BCL2L13: variants seen among roughly 807,000 people sequenced by gnomAD.
BCL2L13 encodes the protein bcl-2-like protein 13.
Under a neutral mutation model 25.8 loss-of-function variants are expected in BCL2L13, and 13 were observed. That is an observed-to-expected ratio of 0.50 (90% CI 0.33 to 0.80). The LOEUF (loss-of-function observed/expected upper bound fraction) is 0.80, where lower values mean the gene tolerates loss of function less well. Ranked by LOEUF, BCL2L13 falls within the 30% of genes least tolerant of loss-of-function variation. The pLI, the probability that BCL2L13 is intolerant of heterozygous loss-of-function variation, is 0.02. For synonymous variants in BCL2L13, 244 were observed against 230.3 expected, an observed-to-expected ratio of 1.06 and a Z score of -0.54; for missense variants, 504 against 574.9, an observed-to-expected ratio of 0.88 and a Z score of 1.26.
At chr22:17,669,370 C>G (rs2059346436) in intron 2 of BCL2L13, among the ~76,000 whole-genome samples, 1 of 152,186 alleles carries the variant, frequency 6.6e-6, no homozygotes, top group Non-Finnish European at 1.5e-5. Context: ...AAGCATGGCA[C>G]TGGCGTCTGC....
intron 6 of BCL2L13, among the ~76,000 whole-genome samples, chr22:17,722,274 G>A (rs2061160409): frequency 6.6e-6 from 1 of 151,760 alleles, no homozygotes; most frequent in Non-Finnish European, 1.5e-5. Context: ...TGTCATCCAG[G>A]CTGGACTACA....
At chr22:17,661,145 T>C (rs2059053408) in intron 2 of BCL2L13, among the ~76,000 whole-genome samples, 1 of 145,496 alleles carries the variant, frequency 6.9e-6, no homozygotes, top group African/African-American at 2.4e-5. Flanking sequence ...CAGGTTAGAG[T>C]GCAGTGGCAC....
In BCL2L13 at chr22:17,683,280, T is replaced by C. The variant is rs2059810305; in HGVS notation, c.188T>C (p.Ile63Thr). The part of the protein sequence containing the change: ...QEILLKVKTE[I>T]EEELKSLDKE... ...ATTTTATTAAAAGTTAAAACTGAAATTGAAGAAGAGCTAAAATCTCTGGAC... is the reference window on the plus strand; with the variant it reads ...ATTTTATTAAAAGTTAAAACTGAAACTGAAGAAGAGCTAAAATCTCTGGAC... Residue 63 changes from isoleucine (I) to threonine (T), a missense_variant, in exon 3 of 7, where the codon ATT (isoleucine) becomes ACT (threonine). Transcript: ENST00000317582. 1 of 1,594,790 alleles carries C rather than the reference T, an allele frequency of 6.3e-7. No homozygotes were observed. The highest frequency in any genetic ancestry group is 1.7e-5 in the Admixed American group (1 of 57,860).
rs2057947747 is a variant in BCL2L13, at chr22:17,629,023, C to A, written c.-650+18C>A. 6 of 226,434 alleles carry A rather than the reference C, an allele frequency of 2.6e-5. No homozygotes were observed. In the South Asian group the frequency reaches 3.7e-4, roughly 14 times the overall value. The allele number at this position is 226,434 out of a possible 1,614,324, so 14.0% of individuals were successfully genotyped here. A position where few individuals can be genotyped will look rare whatever the true frequency, so the allele number is the denominator to read the frequency against. ...CTGGTTAGGTATATTGGAGAATGTG[C>A]CTTTATTGGAATTTTTCGCATAATT... is the stretch of plus-strand genomic sequence containing the variant. On this transcript the variant is annotated intron_variant, in intron 1 of 6. Transcript: ENST00000399782.
At chr22:17,636,836 G>A (rs1429219663), upstream of BCL2L13, among the ~76,000 whole-genome samples, 1 of 152,016 alleles carries the variant, frequency 6.6e-6, no homozygotes, top group Non-Finnish European at 1.5e-5. Context: ...TAAAGGAAAA[G>A]ACTGAGAGCA....
In BCL2L13 at chr22:17,679,264, C is replaced by CTTTT. The variant is rs3044588; in HGVS notation, c.122-3929_122-3926dup. Among the ~76,000 whole-genome samples the CTTTT allele has an allele frequency of 7.0e-3, 531 of 76,098 alleles. 4 individuals are homozygous for CTTTT. Among genetic ancestry groups the CTTTT allele is most frequent in the African/African-American group, 0.01 (194 of 18,482 alleles). The allele number at this position is 76,098 out of a possible 152,430, so 49.9% of individuals were successfully genotyped here. On this transcript the variant is annotated intron_variant, in intron 2 of 6. Coordinates refer to ENST00000317582, the MANE Select transcript of BCL2L13 (RefSeq NM_015367.4). Reference sequence around the variant, plus strand: ...GCTGCATATGTCAATTGGTTTGGCTCTTTTTTTTTTTTTTTTTTTTTTTTG... The same window carrying CTTTT: ...GCTGCATATGTCAATTGGTTTGGCTCTTTTTTTTTTTTTTTTTTTTTTTTTTTTG...
At chr22:17,645,674 A>G (rs2058448397) in intron 1 of BCL2L13, among the ~76,000 whole-genome samples, 1 of 151,568 alleles carries the variant, frequency 6.6e-6, no homozygotes, top group Non-Finnish European at 1.5e-5. Context: ...TGAACCATAT[A>G]TTGTAGAATT....
intron 1 of BCL2L13, among the ~76,000 whole-genome samples, chr22:17,644,091 G>C (rs2058387696): frequency 6.7e-6 from 1 of 149,904 alleles, no homozygotes; most frequent in Non-Finnish European, 1.5e-5. Context: ...TTGTATTTTT[G>C]GTAGAGATGG....
chr22:17,678,908 T>C (rs1343863592), intron 2 of BCL2L13, among the ~76,000 whole-genome samples: 1 of 152,220 alleles, frequency 6.6e-6, no homozygotes, highest in African/African-American at 2.4e-5. Context: ...GTTTGGTTTT[T>C]CTGCTGAAAT....
At chr22:17,692,315 T>C (rs960771327) in intron 4 of BCL2L13, 1 of 152,234 alleles carries the variant, frequency 6.6e-6, no homozygotes, top group Non-Finnish European at 1.5e-5. Context: ...TTTGTGCATG[T>C]ATGTCTGTGT....
At chr22:17,646,926 A>T (rs1252142470) in intron 1 of BCL2L13, among the ~76,000 whole-genome samples, 1 of 87,354 alleles carries the variant, frequency 1.1e-5, no homozygotes, top group African/African-American at 4.2e-5. Context: ...GTGTGTGTAT[A>T]AACTACATAT....
intron 1 of BCL2L13, among the ~76,000 whole-genome samples, chr22:17,641,369 G>C (rs1438199634): frequency 6.6e-6 from 1 of 151,580 alleles, no homozygotes; most frequent in Non-Finnish European, 1.5e-5. Flanking sequence ...GGGGTGGGTG[G>C]TATTTTCAGA....
intron 6 of BCL2L13, among the ~76,000 whole-genome samples, chr22:17,714,109 T>C (rs5992802): frequency 0.34 from 51,900 of 151,318 alleles, 9,736 homozygotes; most frequent in African/African-American, 0.45. Context: ...CTGGCTAACA[T>C]GGTGAAACCC....
upstream of BCL2L13, among the ~76,000 whole-genome samples, chr22:17,637,766 G>A (rs1406477488): frequency 6.6e-6 from 1 of 151,902 alleles, no homozygotes; most frequent in East Asian, 1.9e-4. Context: ...TCAGTCACTC[G>A]GGCTTAAAAA....
chr22:17,655,657 C>G lies in BCL2L13; in HGVS notation c.-50-5C>G, dbSNP rs2058831217. 1.3e-6 allele frequency: 2 copies of G among 1,552,528 alleles called. No homozygotes were observed. The highest frequency in any genetic ancestry group is 1.4e-5 in the African/African-American group (1 of 72,022). On this transcript the variant is annotated splice_region_variant and splice_polypyrimidine_tract_variant and intron_variant, in intron 1 of 6. Coordinates refer to ENST00000317582, the MANE Select transcript of BCL2L13 (RefSeq NM_015367.4). ...AAACTGAAAAAATTACTTTTTTGTT[C>G]TTAGGTTTTACACATCCATAAGTAG... is the stretch of plus-strand genomic sequence containing the variant.
Position 17,655,696 on chromosome 22 carries a change from C to G in BCL2L13, c.-16C>G. The G allele has an allele frequency of 6.2e-7, 1 of 1,605,676 alleles. No homozygotes were observed. The highest frequency in any genetic ancestry group is 1.1e-5 in the South Asian group (1 of 89,128). On this transcript the variant is annotated 5_prime_UTR_variant, in exon 2 of 7. Transcript: ENST00000317582. Reference sequence around the variant, plus strand: ...ATCCATAAGTAGACCTTTTTGGAGCCTCACCAGCCAATTCAATGGCGTCCT... The same window carrying G: ...ATCCATAAGTAGACCTTTTTGGAGCGTCACCAGCCAATTCAATGGCGTCCT...
chr22:17,698,686 G>T (rs986522749), intron 5 of BCL2L13, among the ~76,000 whole-genome samples: 1 of 151,642 alleles, frequency 6.6e-6, no homozygotes, highest in Non-Finnish European at 1.5e-5. Flanking sequence ...CCGAGATCAT[G>T]CCACTGTATT....
chr22:17,691,859 G>C (rs988317875), intron 4 of BCL2L13, among the ~76,000 whole-genome samples: 1 of 147,932 alleles, frequency 6.8e-6, no homozygotes, highest in Non-Finnish European at 1.5e-5. Context: ...TCTTCTCACA[G>C]CAAATTCTAT....
chr22:17,723,895 T>G (rs1459713370), intron 6 of BCL2L13, among the ~76,000 whole-genome samples: 1 of 149,666 alleles, frequency 6.7e-6, no homozygotes, highest in Non-Finnish European at 1.5e-5. Flanking sequence ...ATTGCACCAC[T>G]GCACTCCAGC....
Sources: allele counts gnomAD v4.1 joint callset (sites outside exome capture counted in the v4.1 genomes callset), GRCh38; gene constraint gnomAD v4.1.1; transcripts MANE v1.5; gene names NCBI Gene and HGNC (gene_info 2026-07-23, HGNC 2026-07-21).